The following DGKB variants were observed in gnomAD, a reference collection of about 807,000 sequenced individuals.
DGKB encodes diacylglycerol kinase beta, also known as 90 kDa diacylglycerol kinase.
A neutral mutation model predicts 114.3 loss-of-function variants in DGKB; 67 were observed. That is an observed-to-expected ratio of 0.59 (90% CI 0.48 to 0.72). The LOEUF (loss-of-function observed/expected upper bound fraction) is 0.72. DGKB is among the 30% of genes least tolerant of loss of function. The pLI is 0.00. For synonymous variants in DGKB, 398 were observed against 323.1 expected (o/e 1.23, Z -2.49); for missense variants, 907 against 975.2 (o/e 0.93, Z 0.93).
At chr7:14,382,331 A>C (rs1819614563) in intron 21 of DGKB, among the ~76,000 whole-genome samples, 1 of 151,926 alleles carries the variant, frequency 6.6e-6, no homozygotes. Flanking sequence ...AACAAGGCAC[A>C]TACAACCTAT....
intron 21 of DGKB, among the ~76,000 whole-genome samples, chr7:14,471,269 T>C (rs1296038333): frequency 6.9e-6 from 1 of 145,488 alleles, no homozygotes; most frequent in Non-Finnish European, 1.5e-5. Context: ...ATGGAATATA[T>C]GTGTATACAT....
At chr7:14,703,864 C>A (rs1041373233) in intron 6 of DGKB, among the ~76,000 whole-genome samples, 1 of 152,106 alleles carries the variant, frequency 6.6e-6, no homozygotes, top group East Asian at 1.9e-4. Flanking sequence ...AAACCCGTTT[C>A]TATGTCTTTC....
At chr7:14,272,301 T>C (rs1322363307) in intron 23 of DGKB, among the ~76,000 whole-genome samples, 2 of 152,192 alleles carry the variant, frequency 1.3e-5, no homozygotes, top group Non-Finnish European at 2.9e-5. Context: ...TGTTTGTTCA[T>C]AGATTCTTGG....
intron 2 of DGKB, among the ~76,000 whole-genome samples, chr7:14,807,819 G>C (rs367683248): frequency 6.6e-6 from 1 of 151,924 alleles, no homozygotes; most frequent in Non-Finnish European, 1.5e-5. Context: ...AAAAAATTGT[G>C]TATTATGAAA....
chr7:14,744,734 C>T (rs934651263), intron 4 of DGKB, among the ~76,000 whole-genome samples: 2 of 152,162 alleles, frequency 1.3e-5, no homozygotes, highest in Non-Finnish European at 1.5e-5. Flanking sequence ...TCAGTCCTAT[C>T]ATGAATTGTT....
At chr7:14,428,772 C>T (rs909776909) in intron 21 of DGKB, among the ~76,000 whole-genome samples, 1 of 152,158 alleles carries the variant, frequency 6.6e-6, no homozygotes, top group East Asian at 1.9e-4. Flanking sequence ...TACCCCTCTC[C>T]CTTTAATTTT....
chr7:14,694,524 T>C (rs769470331), intron 8 of DGKB, among the ~76,000 whole-genome samples: 1 of 152,218 alleles, frequency 6.6e-6, no homozygotes, highest in Non-Finnish European at 1.5e-5. Context: ...GATTCATATA[T>C]ATGCCAGAAA....
chr7:14,797,168 G>A (rs1412166816), intron 2 of DGKB, among the ~76,000 whole-genome samples: 1 of 152,086 alleles, frequency 6.6e-6, no homozygotes, highest in Non-Finnish European at 1.5e-5. Context: ...TCTTGTGCAA[G>A]CAGCAAAGTT....
chr7:14,900,672 T>G (rs902800762), intron 1 of DGKB, among the ~76,000 whole-genome samples: 2 of 152,282 alleles, frequency 1.3e-5, no homozygotes, highest in South Asian at 4.1e-4. Flanking sequence ...TTAAAACAAT[T>G]TAAATAATTG....
chr7:14,149,777 C>A (rs574199682), intron 25 of DGKB, among the ~76,000 whole-genome samples: 1 of 152,188 alleles, frequency 6.6e-6, no homozygotes, highest in Admixed American at 6.6e-5. Flanking sequence ...TAAAAGTTAA[C>A]ATGCATAAAA....
chr7:14,903,597 T>C (rs188871790), upstream of DGKB, among the ~76,000 whole-genome samples: 77 of 152,196 alleles, frequency 5.1e-4, 1 homozygote, highest in African/African-American at 1.5e-3. Context: ...CTTCTACCAA[T>C]TGTAGCAGCT....
chr7:14,815,511 C>A (rs1844002487), intron 2 of DGKB, among the ~76,000 whole-genome samples: 1 of 152,202 alleles, frequency 6.6e-6, no homozygotes, highest in African/African-American at 2.4e-5. Context: ...TCTCTTTTTG[C>A]AGCTATTCAT....
In DGKB at chr7:14,352,823, T is replaced by C. The variant is rs548222699; in HGVS notation, c.1836-7432A>G. Among the ~76,000 whole-genome samples the C allele has an allele frequency of 3.6e-3, 544 of 152,182 alleles. 1 individual carries two copies. Among genetic ancestry groups the C allele is most frequent in the African/African-American group, 0.012 (514 of 41,532 alleles). ...CTATAATCCCAGCTACTCGGGAGGC[T>C]GAGGCAGGAGAATCGTCTGAACCCG... On this transcript the variant is annotated intron_variant, in intron 21 of 25. Transcript: ENST00000402815.
chr7:14,744,988 C>T (rs955238096), intron 4 of DGKB, among the ~76,000 whole-genome samples: 4 of 152,152 alleles, frequency 2.6e-5, no homozygotes, highest in African/African-American at 9.7e-5. Flanking sequence ...CTAATCCTGA[C>T]ATCTGATAGG....
chr7:14,969,468 G>A (rs933248026), intron 1 of DGKB, among the ~76,000 whole-genome samples: 2 of 152,152 alleles, frequency 1.3e-5, no homozygotes, highest in Admixed American at 1.3e-4. Context: ...CCAGGGACCA[G>A]TATCAGTCTG....
At chr7:14,544,155 C>T (rs577075439) in intron 20 of DGKB, among the ~76,000 whole-genome samples, 1 of 151,996 alleles carries the variant, frequency 6.6e-6, no homozygotes, top group Non-Finnish European at 1.5e-5. Context: ...ATTTAGAAAA[C>T]CTCAGCAGAA....
At chr7:14,540,469 A>T (rs534617476) in intron 20 of DGKB, among the ~76,000 whole-genome samples, 35 of 152,252 alleles carry the variant, frequency 2.3e-4, no homozygotes, top group African/African-American at 7.7e-4. Flanking sequence ...GGGGTAAGTT[A>T]AAAAAATCAT....
chr7:14,791,060 T>C (rs6977839), intron 2 of DGKB, among the ~76,000 whole-genome samples: 55,964 of 151,946 alleles, frequency 0.37, 11,914 homozygotes, highest in African/African-American at 0.6. Flanking sequence ...TGAACTCCTA[T>C]GCTAAAGCGA....
intron 23 of DGKB, among the ~76,000 whole-genome samples, chr7:14,314,320 G>T (rs537844373): frequency 6.6e-6 from 1 of 152,050 alleles, no homozygotes; most frequent in South Asian, 2.1e-4. Context: ...GGCTTCAGAT[G>T]ATCAAATTAC....
Sources: allele counts gnomAD v4.1 joint callset (sites outside exome capture counted in the v4.1 genomes callset), GRCh38; gene constraint gnomAD v4.1.1; transcripts MANE v1.5; gene names NCBI Gene and HGNC (gene_info 2026-07-23, HGNC 2026-07-21).